Variants in CERS3 observed in about 807,000 individuals in gnomAD.
CERS3 encodes the protein LAG1 homolog, ceramide synthase 3.
In CERS3, 33 loss-of-function variants were observed where a neutral mutation model predicts 50.3. The ratio of observed to expected loss-of-function variants is 0.66; its 90% CI spans 0.50 to 0.88. CERS3 has a LOEUF of 0.88. CERS3 is among the 40% of genes least tolerant of loss of function. The pLI is 0.00. For missense variants in CERS3, 470 were observed against 460.3 expected (o/e 1.02, Z -0.19); for synonymous variants, 176 against 155.2 (o/e 1.13, Z -0.99).
At chr15:100,543,469 A>G (rs1313151720) in intron 1 of CERS3, among the ~76,000 whole-genome samples, 1 of 151,562 alleles carries the variant, frequency 6.6e-6, no homozygotes, top group Non-Finnish European at 1.5e-5. Context: ...CTGAACTATG[A>G]CCACAAGAGA....
intron 2 of CERS3, among the ~76,000 whole-genome samples, chr15:100,516,458 T>C (rs1255282334): frequency 6.6e-6 from 1 of 152,346 alleles, no homozygotes; most frequent in Non-Finnish European, 1.5e-5. Context: ...CACAAAGACC[T>C]GTCGTGGGAC....
intron 1 of CERS3, among the ~76,000 whole-genome samples, chr15:100,526,504 G>GTGTGTGTGTGTGTGTA (rs1384433709): frequency 2.6e-5 from 4 of 151,912 alleles, no homozygotes; most frequent in Non-Finnish European, 5.9e-5. Context: ...GTGTGTGTGT[G>GTGTGTGTGTGTGTGTA]TGTGTGTGTA....
At chr15:100,404,270 T>C (rs1037474530) in intron 11 of CERS3, among the ~76,000 whole-genome samples, 1 of 152,236 alleles carries the variant, frequency 6.6e-6, no homozygotes. Context: ...AGCACCAAAT[T>C]TGTAGAAATT....
intron 10 of CERS3, among the ~76,000 whole-genome samples, chr15:100,460,276 C>A (rs1212465289): frequency 2.6e-5 from 4 of 152,074 alleles, no homozygotes; most frequent in African/African-American, 7.2e-5. Context: ...CTGTAAAATG[C>A]GAGCAGAGAG....
intron 11 of CERS3, among the ~76,000 whole-genome samples, chr15:100,440,364 C>T (rs1337341679): frequency 6.6e-6 from 1 of 152,188 alleles, no homozygotes; most frequent in Non-Finnish European, 1.5e-5. Flanking sequence ...TTGTGAAATT[C>T]CTTCTCCTGG....
rs569612485 is a variant in CERS3, at chr15:100,445,272, A to G, written c.999+10621T>C. ...CTCCTGTCTAGTCGTACTCCTATTC[A>G]CCATTCTCAACTACTCATACGTGCC... On this transcript the variant is annotated intron_variant, in intron 11 of 11. Coordinates refer to ENST00000679737, the MANE Select transcript of CERS3 (RefSeq NM_001378789.1). Among the ~76,000 whole-genome samples the G allele has an allele frequency of 2.8e-3, 344 of 124,206 alleles. 2 individuals are homozygous for G. Among genetic ancestry groups the G allele is most frequent in the Non-Finnish European group, 3.6e-3 (210 of 58,006 alleles). 81.5% of individuals were successfully genotyped at this position (124,206 alleles called of 152,430 possible). A position where few individuals can be genotyped will look rare whatever the true frequency, so the allele number is the denominator to read the frequency against.
intron 10 of CERS3, among the ~76,000 whole-genome samples, chr15:100,467,776 T>C (rs11247208): frequency 7.9e-6 from 1 of 126,816 alleles, no homozygotes; most frequent in African/African-American, 2.7e-5. Flanking sequence ...TCTCTATATA[T>C]ATATACACAC....
At chr15:100,465,737 C>T (rs2034691425) in intron 10 of CERS3, among the ~76,000 whole-genome samples, 1 of 151,644 alleles carries the variant, frequency 6.6e-6, no homozygotes, top group African/African-American at 2.4e-5. Flanking sequence ...TGGCTCACTG[C>T]AACCTCCACT....
chr15:100,461,624 T>C (rs2034553263), intron 10 of CERS3, among the ~76,000 whole-genome samples: 1 of 152,206 alleles, frequency 6.6e-6, no homozygotes, highest in Non-Finnish European at 1.5e-5. Context: ...CCACTACTAC[T>C]TTCCCACAAC....
At chr15:100,490,448 A>C (rs1187313236) in intron 4 of CERS3, among the ~76,000 whole-genome samples, 1 of 152,188 alleles carries the variant, frequency 6.6e-6, no homozygotes, top group African/African-American at 2.4e-5. Context: ...CAATCATCAA[A>C]ATTGTCAGAT....
rs2030629787 is a variant in CERS3, at chr15:100,402,598, A to G, written c.*115T>C. On this transcript the variant is annotated 3_prime_UTR_variant, in exon 12 of 12. Transcript: ENST00000679737. ...GTAAACACATCTTAGGTGGGAGGGA[A>G]GGCGGTGGTGAGAAAGAGGGAAGGG... 8.3e-6 allele frequency: 8 copies of G among 967,064 alleles called. No individual in the cohort carries two copies. Among genetic ancestry groups the G allele is most frequent in the Non-Finnish European group, 1.1e-5 (7 of 653,156 alleles). The allele number at this position is 967,064 out of a possible 1,614,324, so 59.9% of individuals were successfully genotyped here.
Position 100,493,593 on chromosome 15 carries a change from C to T in CERS3, c.174-2662G>A, listed in dbSNP as rs575809454. ...CAGATTCAGAATTCAGGGAAATTTT[C>T]GGCCATTTATTTCTTCACATTTTTG... On this transcript the variant is annotated intron_variant, in intron 3 of 11. Coordinates refer to ENST00000679737, the MANE Select transcript of CERS3 (RefSeq NM_001378789.1). Among the ~76,000 whole-genome samples, 45 of 152,178 alleles carry T rather than the reference C, an allele frequency of 3.0e-4. No individual in the cohort carries two copies. In the East Asian group the frequency reaches 6.6e-3, roughly 22 times the overall value.
upstream of CERS3, among the ~76,000 whole-genome samples, chr15:100,532,988 T>C (rs1567689016): frequency 6.6e-6 from 1 of 152,184 alleles, no homozygotes; most frequent in Non-Finnish European, 1.5e-5. Context: ...ACATGGATTA[T>C]AGGATGAGAG....
At chr15:100,512,800 T>A (rs1331583334) in intron 2 of CERS3, among the ~76,000 whole-genome samples, 1 of 152,128 alleles carries the variant, frequency 6.6e-6, no homozygotes, top group Admixed American at 6.6e-5. Flanking sequence ...GAAGTCCAAA[T>A]GAGAAGGGAG....
intron 4 of CERS3, among the ~76,000 whole-genome samples, chr15:100,486,718 C>A (rs1008031952): frequency 6.6e-6 from 1 of 152,156 alleles, no homozygotes; most frequent in Non-Finnish European, 1.5e-5. Context: ...GGGCTCTGGG[C>A]CTAGCTTTAC....
chr15:100,507,838 G>A (rs775128863), intron 2 of CERS3, among the ~76,000 whole-genome samples: 44 of 152,338 alleles, frequency 2.9e-4, no homozygotes, highest in Non-Finnish European at 5.6e-4. Context: ...AGGCAGCGGC[G>A]GCCGTGACTG....
chr15:100,434,466 A>G lies in CERS3; in HGVS notation c.999+21427T>C, dbSNP rs77537329. 5.5e-3 allele frequency among the ~76,000 whole-genome samples: 839 copies of G among 152,362 alleles called. 11 individuals are homozygous for G. Among genetic ancestry groups the G allele is most frequent in the African/African-American group, 0.019 (802 of 41,586 alleles). ...GTGCTAAAGCCCACATGATAAATCA[A>G]AATGAAAATGTTTGAAAAACTAATT... On this transcript the variant is annotated intron_variant, in intron 11 of 11. Transcript: ENST00000679737.
intron 11 of CERS3, among the ~76,000 whole-genome samples, chr15:100,440,692 C>T (rs1406720547): frequency 2.0e-5 from 3 of 152,234 alleles, no homozygotes; most frequent in Non-Finnish European, 2.9e-5. Context: ...TGAGAAAGAT[C>T]CACCTACGAC....
At chr15:100,539,552 A>G (rs146428544) in intron 1 of CERS3, among the ~76,000 whole-genome samples, 1 of 152,316 alleles carries the variant, frequency 6.6e-6, no homozygotes, top group South Asian at 2.1e-4. Context: ...TGCTGAGTGA[A>G]GTGGAGAAGA....
Sources: gnomAD v4.1 joint callset for allele counts (sites outside exome capture counted in the v4.1 genomes callset) on GRCh38, gnomAD v4.1.1 for gene constraint, MANE v1.5 for transcripts, NCBI Gene and HGNC (gene_info 2026-07-23, HGNC 2026-07-21) for gene names.